ERICH1: variants seen among roughly 807,000 people sequenced by gnomAD.
ERICH1 encodes glutamate rich 1, also known as glutamate-rich protein 1.
In ERICH1, 56 loss-of-function variants were observed where a neutral mutation model predicts 39.6. The ratio of observed to expected loss-of-function variants is 1.41; its 90% CI spans 1.14 to 1.77. The LOEUF (loss-of-function observed/expected upper bound fraction) is 1.77. Among genes scored for constraint, ERICH1 ranks in the 40% most tolerant of loss-of-function variants. The pLI is 0.00. For synonymous variants in ERICH1, 313 were observed against 223.6 expected (o/e 1.40, Z -3.57); for missense variants, 826 against 575.4 (o/e 1.44, Z -4.45).
intron 3 of ERICH1, among the ~76,000 whole-genome samples, chr8:683,663 C>T (rs1806659843): frequency 6.6e-6 from 1 of 152,134 alleles, no homozygotes; most frequent in African/African-American, 2.4e-5. Context: ...ACTGAAAGAC[C>T]ATACGGGACC....
chr8:691,358 T>C (rs995208932), intron 3 of ERICH1, among the ~76,000 whole-genome samples: 1 of 152,254 alleles, frequency 6.6e-6, no homozygotes, highest in African/African-American at 2.4e-5. Flanking sequence ...TGACACAGCC[T>C]GTCTGGGAAG....
chr8:690,658 C>T (rs1808702736), intron 3 of ERICH1, among the ~76,000 whole-genome samples: 1 of 152,256 alleles, frequency 6.6e-6, no homozygotes, highest in Admixed American at 6.5e-5. Flanking sequence ...GCGGCCGATC[C>T]AAGTTGCTGT....
chr8:655,109 A>G (rs1800458591), intron 3 of ERICH1, among the ~76,000 whole-genome samples: 1 of 152,196 alleles, frequency 6.6e-6, no homozygotes, highest in Admixed American at 6.5e-5. Flanking sequence ...CCGAGCCCAG[A>G]TGCACGACGG....
At chr8:713,325 T>C (rs1225947682) in intron 2 of ERICH1, among the ~76,000 whole-genome samples, 2 of 152,238 alleles carry the variant, frequency 1.3e-5, no homozygotes, top group African/African-American at 4.8e-5. Context: ...ATAAGTATAT[T>C]CTTTAAATGG....
rs969523418 is a variant in ERICH1 at position 692,495 on chromosome 8, C to G, written c.287G>C (p.Ser96Thr). The G allele has an allele frequency of 1.2e-6, 2 of 1,614,010 alleles. No individual in the cohort carries two copies. Among genetic ancestry groups the G allele is most frequent in the African/African-American group, 2.7e-5 (2 of 74,930 alleles). ...SSCGSPENAS[S>T]GDDTEDQDPH... Reference sequence around the variant, plus strand: ...CATTTTACCTTCTGTGTCATCCCCGCTGGAGGCGTTCTCGGGGCTCCCACA... The same window carrying G: ...CATTTTACCTTCTGTGTCATCCCCGGTGGAGGCGTTCTCGGGGCTCCCACA... Residue 96 changes from serine (S) to threonine (T), a missense_variant, in exon 3 of 6, where the codon AGC becomes ACC. Ser to Thr is a moderately conservative substitution (Grantham distance 58, BLOSUM62 1). Coordinates refer to ENST00000262109, the MANE Select transcript of ERICH1 (RefSeq NM_207332.3).
Position 708,594 on chromosome 8 carries a change from C to T in ERICH1, c.169+7267G>A, listed in dbSNP as rs558916565. Among the ~76,000 whole-genome samples the T allele has an allele frequency of 1.3e-5, 2 of 149,030 alleles. 1 individual carries two copies. Among genetic ancestry groups the T allele is most frequent in the South Asian group, 4.3e-4 (2 of 4,688 alleles). ...TTCCATTTATATGACATGTCCAGAA[C>T]AGACAAATCTATAAAGAAAACAGAT... On this transcript the variant is annotated intron_variant, in intron 2 of 5. Coordinates refer to ENST00000262109, the MANE Select transcript of ERICH1 (RefSeq NM_207332.3).
At chr8:665,286 T>C (rs995046124) in intron 5 of ERICH1, among the ~76,000 whole-genome samples, 20 of 152,002 alleles carry the variant, frequency 1.3e-4, no homozygotes, top group African/African-American at 4.8e-4. Context: ...CTGAGCCCAC[T>C]GGTCCCCGGC....
downstream of ERICH1, among the ~76,000 whole-genome samples, chr8:662,889 C>T (rs1006708919): frequency 1.3e-5 from 2 of 152,232 alleles, no homozygotes; most frequent in South Asian, 2.1e-4. Context: ...GCGGGCAGGG[C>T]GCCCTGCAGA....
intron 3 of ERICH1, chr8:626,516 C>G (rs1265799727): frequency 6.5e-6 from 1 of 153,788 alleles, no homozygotes; most frequent in Non-Finnish European, 1.4e-5. Context: ...GCTGCAGGTA[C>G]AAAGGTGAGC....
chr8:701,482 C>T (rs1449350782), intron 2 of ERICH1, among the ~76,000 whole-genome samples: 1 of 152,222 alleles, frequency 6.6e-6, no homozygotes, highest in Non-Finnish European at 1.5e-5. Context: ...TACCCCAGAG[C>T]AGCTGGGAGG....
downstream of ERICH1, among the ~76,000 whole-genome samples, chr8:661,790 T>C (rs997066929): frequency 7.9e-5 from 12 of 152,366 alleles, no homozygotes; most frequent in East Asian, 2.3e-3. Context: ...TGTACCTCTA[T>C]TCCTCAATAT....
In ERICH1 at chr8:708,681, G is replaced by GTTTTTTTTTTGTTTTTT. The variant is rs1563319316; in HGVS notation, c.169+7179_169+7180insAAAAAACAAAAAAAAAA. 3.8e-4 allele frequency among the ~76,000 whole-genome samples: 25 copies of GTTTTTTTTTTGTTTTTT among 65,768 alleles called. 3 individuals are homozygous for GTTTTTTTTTTGTTTTTT. The highest frequency in any genetic ancestry group is 6.2e-4 in the South Asian group (1 of 1,614). The allele number at this position is 65,768 out of a possible 152,430, so 43.1% of individuals were successfully genotyped here. ...GGGCTGAGTGGTTACGGGATAATGA[G>GTTTTTTTTTTGTTTTTT]TTTTTTTTTTTTTTTTTTTTTTTTT... is the stretch of plus-strand genomic sequence containing the variant. On this transcript the variant is annotated intron_variant, in intron 2 of 5. Coordinates refer to ENST00000262109, the MANE Select transcript of ERICH1 (RefSeq NM_207332.3).
At chr8:686,251 A>C (rs336437) in intron 3 of ERICH1, among the ~76,000 whole-genome samples, 137,439 of 152,220 alleles carry the variant, frequency 0.9, 62,171 homozygotes, top group South Asian at 0.95. Flanking sequence ...ATATTCATAA[A>C]TCACTCTATT....
chr8:684,307 A>G (rs1300854658), intron 3 of ERICH1, among the ~76,000 whole-genome samples: 1 of 152,236 alleles, frequency 6.6e-6, no homozygotes, highest in Non-Finnish European at 1.5e-5. Context: ...AAAGTAATTA[A>G]AACAGTACAA....
chr8:713,263 A>C (rs985759154), intron 2 of ERICH1, among the ~76,000 whole-genome samples: 7 of 152,256 alleles, frequency 4.6e-5, no homozygotes. Context: ...GGGCTTCAAC[A>C]TACAAATTTG....
At chr8:701,716 A>G (rs905810549) in intron 2 of ERICH1, among the ~76,000 whole-genome samples, 1 of 151,432 alleles carries the variant, frequency 6.6e-6, no homozygotes, top group Non-Finnish European at 1.5e-5. Flanking sequence ...AGATTTCTTA[A>G]ACAAAACACA....
rs1283025836 is a variant in ERICH1, at chr8:708,697, T to G, written c.169+7164A>C. On this transcript the variant is annotated intron_variant, in intron 2 of 5. Transcript: ENST00000262109. ...GGATAATGAGTTTTTTTTTTTTTTTTTTTTTTTTTTTTTTGAGACAGGGTC... is the reference window on the plus strand; with the variant it reads ...GGATAATGAGTTTTTTTTTTTTTTTGTTTTTTTTTTTTTTGAGACAGGGTC... 3.6e-5 allele frequency among the ~76,000 whole-genome samples: 5 copies of G among 139,118 alleles called. No individual in the cohort carries two copies. The East Asian group carries it at 6.4e-4, about 18-fold the overall frequency. 91.3% of individuals were successfully genotyped at this position (139,118 alleles called of 152,430 possible).
chr8:703,021 A>G (rs1812499135), intron 2 of ERICH1, among the ~76,000 whole-genome samples: 1 of 152,238 alleles, frequency 6.6e-6, no homozygotes, highest in Non-Finnish European at 1.5e-5. Context: ...CAAGTCTGCA[A>G]CAATGCACAT....
chr8:708,681 G>GTTTTTTTTTTGTTTTTTT lies in ERICH1; in HGVS notation c.169+7179_169+7180insAAAAAAACAAAAAAAAAA, dbSNP rs1563319316. Among the ~76,000 whole-genome samples the GTTTTTTTTTTGTTTTTTT allele has an allele frequency of 3.3e-4, 22 of 65,774 alleles. 3 individuals carry two copies. Among genetic ancestry groups the GTTTTTTTTTTGTTTTTTT allele is most frequent in the South Asian group, 6.2e-4 (1 of 1,618 alleles). The allele number at this position is 65,774 out of a possible 152,430, so 43.2% of individuals were successfully genotyped here. On this transcript the variant is annotated intron_variant, in intron 2 of 5. Coordinates refer to ENST00000262109, the MANE Select transcript of ERICH1 (RefSeq NM_207332.3). ...GGGCTGAGTGGTTACGGGATAATGA[G>GTTTTTTTTTTGTTTTTTT]TTTTTTTTTTTTTTTTTTTTTTTTT...
Sources: gnomAD v4.1 joint callset for allele counts (sites outside exome capture counted in the v4.1 genomes callset) on GRCh38, gnomAD v4.1.1 for gene constraint, MANE v1.5 for transcripts, NCBI Gene and HGNC (gene_info 2026-07-23, HGNC 2026-07-21) for gene names.